Variants in ANTXRL observed in about 807,000 individuals in gnomAD.
The protein encoded by ANTXRL is ANTXR like, also known as anthrax toxin receptor-like.
A neutral mutation model predicts 75.4 loss-of-function variants in ANTXRL; 63 were observed. The ratio of observed to expected loss-of-function variants is 0.84; its 90% CI spans 0.68 to 1.03. The LOEUF (loss-of-function observed/expected upper bound fraction) is 1.03. Among genes scored for constraint, ANTXRL ranks in the 50% least tolerant of loss-of-function variants. The pLI, the probability that ANTXRL is intolerant of heterozygous loss-of-function variation, is 0.00. For synonymous variants in ANTXRL, 335 were observed against 291.3 expected, an observed-to-expected ratio of 1.15 and a Z score of -1.53; for missense variants, 797 against 789.4, an observed-to-expected ratio of 1.01 and a Z score of -0.12.
rs1565008280 is a variant in ANTXRL at position 46,287,052 on chromosome 10, G to A, written c.-211G>A. ...GGAAGGGCCAGGCAGGTAGCTGGAA[G>A]CAAGTCTCCCAGAGCCAGCTGCTGA... On this transcript the variant is annotated 5_prime_UTR_variant, in exon 1 of 17. Coordinates refer to ENST00000620264, the MANE Select transcript of ANTXRL (RefSeq NM_001278688.3). 1.6e-6 allele frequency: 1 copy of A among 626,568 alleles called. No homozygotes were observed. The highest frequency in any genetic ancestry group is 2.7e-6 in the Non-Finnish European group (1 of 369,144). 38.8% of individuals were successfully genotyped at this position (626,568 alleles called of 1,614,324 possible). A position where few individuals can be genotyped will look rare whatever the true frequency, so the allele number is the denominator to read the frequency against.
intron 3 of ANTXRL, chr10:46,294,175 C>A: frequency 2.0e-6 from 1 of 493,260 alleles, no homozygotes; most frequent in Non-Finnish European, 3.6e-6. Context: ...CTGCCTCCTT[C>A]CCTGAAAGGT....
intron 1 of ANTXRL, among the ~76,000 whole-genome samples, chr10:46,291,411 G>T (rs1377431046): frequency 6.7e-6 from 1 of 149,250 alleles, no homozygotes; most frequent in Non-Finnish European, 1.5e-5. Flanking sequence ...TTTGCTGTAT[G>T]ACTAATGTCC....
At chr10:46,326,363 G>A (rs907271577) in intron 16 of ANTXRL, among the ~76,000 whole-genome samples, 3 of 152,024 alleles carry the variant, frequency 2.0e-5, no homozygotes, top group African/African-American at 4.8e-5. Flanking sequence ...AAAAATGAAC[G>A]GAGGCAGCCC....
In ANTXRL at chr10:46,306,930, C is replaced by A. The variant is rs1207881097; in HGVS notation, c.965+58C>A. On this transcript the variant is annotated intron_variant, in intron 11 of 16. Coordinates refer to ENST00000620264, the MANE Select transcript of ANTXRL (RefSeq NM_001278688.3). ...GAGACCAGGGAGTCAGGGTTGGGCA[C>A]CTTGAGGTGTACAAAATGTGGATGC... is the stretch of plus-strand genomic sequence containing the variant. The A allele has an allele frequency of 4.3e-6, 6 of 1,401,604 alleles. No homozygotes were observed. In the East Asian group the frequency reaches 1.3e-4, roughly 29 times the overall value. 86.8% of individuals were successfully genotyped at this position (1,401,604 alleles called of 1,614,324 possible). A position where few individuals can be genotyped will look rare whatever the true frequency, so the allele number is the denominator to read the frequency against.
At chr10:46,296,126 C>G in intron 4 of ANTXRL, 26 bp downstream of exon 4, 1 of 1,533,678 alleles carries the variant, frequency 6.5e-7, no homozygotes, top group Non-Finnish European at 8.7e-7. Context: ...TCTCCTAACC[C>G]TAACCCTAAC....
chr10:46,328,649 G>A (rs1369398325), intron 16 of ANTXRL, among the ~76,000 whole-genome samples: 2 of 151,714 alleles, frequency 1.3e-5, no homozygotes, highest in Non-Finnish European at 2.9e-5. Flanking sequence ...TTTAAGTTCC[G>A]GGATACATGT....
At chr10:46,324,682 T>A (rs1839131016) in intron 16 of ANTXRL, among the ~76,000 whole-genome samples, 1 of 152,162 alleles carries the variant, frequency 6.6e-6, no homozygotes, top group Admixed American at 6.6e-5. Context: ...ATTATTTCTC[T>A]ATCATTTGAG....
chr10:46,297,770 C>G (rs1357694719), intron 7 of ANTXRL, 61 bp from the exon 8 acceptor site: 2 of 1,403,906 alleles, frequency 1.4e-6, no homozygotes, highest in African/African-American at 2.8e-5. Flanking sequence ...TCTCCTGGGC[C>G]GGGGGTCTGC....
intron 1 of ANTXRL, among the ~76,000 whole-genome samples, chr10:46,288,193 G>T (rs1336895923): frequency 1.3e-5 from 2 of 152,092 alleles, no homozygotes; most frequent in Admixed American, 6.5e-5. Flanking sequence ...CTCCTGCTGG[G>T]TGGTAATACT....
At chr10:46,324,042 C>G (rs985675464) in intron 16 of ANTXRL, among the ~76,000 whole-genome samples, 3 of 152,118 alleles carry the variant, frequency 2.0e-5, no homozygotes, top group African/African-American at 7.2e-5. Context: ...AGGTCATGTC[C>G]CAAATAGTGA....
intron 11 of ANTXRL, 136 bp downstream of exon 11, chr10:46,307,008 T>G (rs41306407): frequency 0.059 from 42,732 of 720,762 alleles, 1,709 homozygotes; most frequent in East Asian, 0.16. Context: ...AAGAGCACCC[T>G]CCTCCCCACA....
intron 13 of ANTXRL, among the ~76,000 whole-genome samples, chr10:46,310,241 A>G (rs529558995): frequency 6.6e-6 from 1 of 152,232 alleles, no homozygotes; most frequent in South Asian, 2.1e-4. Context: ...GGAACCCCAC[A>G]GCGGCGGTAC....
At chr10:46,312,519 G>A (rs1249409953) in intron 15 of ANTXRL, among the ~76,000 whole-genome samples, 9 of 147,302 alleles carry the variant, frequency 6.1e-5, no homozygotes, top group African/African-American at 2.0e-4. Flanking sequence ...GTCTGTGGTC[G>A]GATCTCTTGC....
At chr10:46,305,753 G>T (rs1402356532) in intron 10 of ANTXRL, among the ~76,000 whole-genome samples, 1 of 151,926 alleles carries the variant, frequency 6.6e-6, no homozygotes, top group African/African-American at 2.4e-5. Context: ...ACAAAAATGA[G>T]TAAATAGATA....
chr10:46,306,969 C>T (rs1387956252), intron 11 of ANTXRL, 97 bp downstream of exon 11: 14 of 1,037,424 alleles, frequency 1.3e-5, no homozygotes, highest in Non-Finnish European at 1.9e-5. Flanking sequence ...CCACCCCCTG[C>T]TGGGACAGCA....
chr10:46,301,449 A>C (rs1837738739), intron 9 of ANTXRL, among the ~76,000 whole-genome samples: 1 of 152,176 alleles, frequency 6.6e-6, no homozygotes, highest in East Asian at 1.9e-4. Context: ...GTGGGTGACT[A>C]CGAGAGCCAG....
chr10:46,311,264 C>T (rs1334166235), intron 14 of ANTXRL, among the ~76,000 whole-genome samples: 1 of 152,108 alleles, frequency 6.6e-6, no homozygotes, highest in African/African-American at 2.4e-5. Context: ...GCATAACCCC[C>T]AGGGCAGGCC....
intron 14 of ANTXRL, 46 bp from the exon 15 acceptor site, chr10:46,311,464 G>A (rs1303396997): frequency 1.0e-5 from 15 of 1,494,710 alleles, no homozygotes; most frequent in African/African-American, 1.4e-5. Context: ...GGCCAGCACT[G>A]TGCCCTGCCA....
intron 9 of ANTXRL, among the ~76,000 whole-genome samples, chr10:46,299,761 G>A (rs1428065819): frequency 1.3e-5 from 2 of 152,180 alleles, no homozygotes; most frequent in African/African-American, 4.8e-5. Flanking sequence ...AAAAGACGCT[G>A]TCAGGCCTCT....
Sources: gnomAD v4.1 joint callset for allele counts (sites outside exome capture counted in the v4.1 genomes callset) on GRCh38, gnomAD v4.1.1 for gene constraint, MANE v1.5 for transcripts, NCBI Gene and HGNC (gene_info 2026-07-23, HGNC 2026-07-21) for gene names.